The following DCAF6 variants were observed in gnomAD, a reference collection of about 807,000 sequenced individuals.
The protein encoded by DCAF6 is DDB1 and CUL4 associated factor 6.
Under a neutral mutation model 125.1 loss-of-function variants are expected in DCAF6, and 54 were observed. The observed-to-expected ratio is 0.43, with a 90% confidence interval of 0.35 to 0.54. The LOEUF (loss-of-function observed/expected upper bound fraction) is 0.54, where lower values mean the gene tolerates loss of function less well. DCAF6 is among the 20% of genes least tolerant of loss of function. The pLI, the probability that DCAF6 is intolerant of heterozygous loss-of-function variation, is 0.01. For synonymous variants in DCAF6, 371 were observed against 390.4 expected, an observed-to-expected ratio of 0.95 and a Z score of 0.58; for missense variants, 934 against 1,161.7, an observed-to-expected ratio of 0.80 and a Z score of 2.85.
intron 7 of DCAF6, 65 bp downstream of exon 7, chr1:167,993,505 T>G (rs952734875): frequency 2.2e-6 from 3 of 1,372,632 alleles, no homozygotes; most frequent in Non-Finnish European, 3.1e-6. Flanking sequence ...ATCCCAGCGC[T>G]TTGGGAGGCC....
intron 10 of DCAF6, among the ~76,000 whole-genome samples, chr1:168,012,360 A>G (rs1684420322): frequency 6.6e-6 from 1 of 152,192 alleles, no homozygotes; most frequent in Non-Finnish European, 1.5e-5. Context: ...TCAGAAGAAA[A>G]CAAGAATAGG....
chr1:167,986,787 C>T (rs1349582253), intron 4 of DCAF6, among the ~76,000 whole-genome samples: 1 of 152,168 alleles, frequency 6.6e-6, no homozygotes, highest in African/African-American at 2.4e-5. Context: ...CGGACCAGTA[C>T]TGGGTCTTTG....
chr1:168,014,986 CAT>C (rs1047686351), intron 10 of DCAF6, among the ~76,000 whole-genome samples: 6 of 152,168 alleles, frequency 3.9e-5, no homozygotes, highest in African/African-American at 4.8e-5. Flanking sequence ...GACACAAACA[CAT>C]ATGTTCAACA....
the DCAF6 span, among the ~76,000 whole-genome samples, chr1:167,929,234 T>C: frequency 6.6e-6 from 1 of 152,052 alleles, no homozygotes; most frequent in Admixed American, 6.6e-5. Flanking sequence ...GGTGCATGCC[T>C]GTAATCCCAG....
intron 1 of DCAF6, among the ~76,000 whole-genome samples, chr1:167,938,350 A>C (rs962369973): frequency 2.6e-5 from 4 of 152,124 alleles, no homozygotes; most frequent in Non-Finnish European, 5.9e-5. Flanking sequence ...CATTTTGGAG[A>C]TCTTTCCATG....
At chr1:168,019,640 A>G in intron 11 of DCAF6, 1 of 348,584 alleles carries the variant, frequency 2.9e-6, no homozygotes, top group Non-Finnish European at 6.0e-6. Context: ...GCCCCACTGG[A>G]GCATGGAGCC....
chr1:167,945,965 T>G (rs1454544890), intron 1 of DCAF6, among the ~76,000 whole-genome samples: 4 of 150,828 alleles, frequency 2.7e-5, no homozygotes, highest in Non-Finnish European at 4.4e-5. Flanking sequence ...GTTTTTTTTT[T>G]TTTTTTTTTG....
upstream of DCAF6, among the ~76,000 whole-genome samples, chr1:167,932,832 A>T (rs185910749): frequency 2.2e-4 from 33 of 151,722 alleles, no homozygotes; most frequent in East Asian, 5.2e-3. Flanking sequence ...AAAAAAGAAA[A>T]GAAAAGAAAA....
chr1:167,960,074 TA>T (rs1164191106), intron 2 of DCAF6, among the ~76,000 whole-genome samples: 6 of 152,022 alleles, frequency 3.9e-5, no homozygotes, highest in African/African-American at 1.4e-4. Context: ...TTTTTATTTT[TA>T]TTTTTTTTGC....
At chr1:167,957,105 T>A (rs1057283262) in intron 2 of DCAF6, among the ~76,000 whole-genome samples, 4 of 152,170 alleles carry the variant, frequency 2.6e-5, no homozygotes, top group Non-Finnish European at 5.9e-5. Flanking sequence ...ACATTTATTT[T>A]TTTTTTAATT....
chr1:167,909,383 C>T, the DCAF6 span, among the ~76,000 whole-genome samples: 21,420 of 151,974 alleles, frequency 0.14, 1,926 homozygotes, highest in African/African-American at 0.26. Flanking sequence ...TGCATTTCTC[C>T]TGGGTATATA....
Position 168,015,795 on chromosome 1 carries a change from C to A in DCAF6, c.1393C>A (p.Pro465Thr), listed in dbSNP as rs1424408674. Residue 465 changes from proline (P) to threonine (T), a missense_variant, in exon 11 of 22, where the codon CCT becomes ACT. Coordinates refer to ENST00000367840, the MANE Select transcript of DCAF6 (RefSeq NM_001198956.2). ...THHQSEFLRG[P>T]EIALLRKRLQ... ...ATTTGTGTCAGAATTTTTAAGGGGC[C>A]CTGAGATAGCTTTGCTTCGTAAGCG... 3 of 1,508,270 alleles carry A rather than the reference C, an allele frequency of 2.0e-6. No individual in the cohort carries two copies. The African/African-American group carries it at 4.2e-5, about 21-fold the overall frequency. 93.4% of individuals were successfully genotyped at this position (1,508,270 alleles called of 1,614,324 possible). A position where few individuals can be genotyped will look rare whatever the true frequency, so the allele number is the denominator to read the frequency against.
At chr1:167,946,852 CT>C (rs1310908868) in intron 1 of DCAF6, among the ~76,000 whole-genome samples, 1 of 151,826 alleles carries the variant, frequency 6.6e-6, no homozygotes, top group African/African-American at 2.4e-5. Flanking sequence ...GTTTTGTGTC[CT>C]TCTTTGGTTT....
At chr1:167,870,273 G>A in the DCAF6 span, 14 of 1,613,878 alleles carry the variant, frequency 8.7e-6, no homozygotes, top group South Asian at 2.2e-5. Context: ...TTCTTACCTT[G>A]GGCCAGGTAC....
intron 2 of DCAF6, among the ~76,000 whole-genome samples, chr1:167,963,437 G>T (rs1571692216): frequency 7.5e-6 from 1 of 132,922 alleles, no homozygotes. Context: ...TTTTGTTTCT[G>T]TTTTTTTTTT....
intron 2 of DCAF6, among the ~76,000 whole-genome samples, chr1:167,961,964 G>C (rs766697389): frequency 6.6e-6 from 1 of 152,024 alleles, no homozygotes; most frequent in Non-Finnish European, 1.5e-5. Context: ...TTCTTTGACC[G>C]ATGTGTTATT....
At chr1:168,067,138 G>A (rs1268699213) in intron 20 of DCAF6, among the ~76,000 whole-genome samples, 1 of 152,136 alleles carries the variant, frequency 6.6e-6, no homozygotes, top group Non-Finnish European at 1.5e-5. Context: ...ATGAAAATGA[G>A]AATCCATTGC....
intron 16 of DCAF6, among the ~76,000 whole-genome samples, chr1:168,047,513 C>T (rs1044414189): frequency 6.6e-6 from 1 of 151,990 alleles, no homozygotes; most frequent in Non-Finnish European, 1.5e-5. Context: ...AGTATTTAGC[C>T]TATGTTGGTC....
the DCAF6 span, chr1:167,920,009 G>C: frequency 1.9e-6 from 3 of 1,613,290 alleles, no homozygotes; most frequent in Non-Finnish European, 2.5e-6. Flanking sequence ...AGAGGCTCCT[G>C]CTGCCCCCAC....
Sources: gnomAD v4.1 joint callset for allele counts (sites outside exome capture counted in the v4.1 genomes callset) on GRCh38, gnomAD v4.1.1 for gene constraint, MANE v1.5 for transcripts, NCBI Gene and HGNC (gene_info 2026-07-23, HGNC 2026-07-21) for gene names.